Variants in PFKL observed in about 807,000 individuals in gnomAD.
The protein encoded by PFKL is ATP-dependent 6-phosphofructokinase, liver type.
Under a neutral mutation model 92.1 loss-of-function variants are expected in PFKL, and 74 were observed. That is an observed-to-expected ratio of 0.80 (90% CI 0.67 to 0.97). The LOEUF (loss-of-function observed/expected upper bound fraction) is 0.97, where lower values mean the gene tolerates loss of function less well. PFKL is among the 50% of genes least tolerant of loss of function. PFKL has a pLI of 0.00. For missense variants in PFKL, 1,028 were observed against 1,116.6 expected, an observed-to-expected ratio of 0.92 and a Z score of 1.13; for synonymous variants, 494 against 456.4, an observed-to-expected ratio of 1.08 and a Z score of -1.05.
At position 44,325,805 on chromosome 21, in the gene PFKL, C is replaced by T. The variant is rs142515786; in HGVS notation, c.1990-156C>T. On this transcript the variant is annotated intron_variant, in intron 19 of 21. Coordinates refer to ENST00000349048, the MANE Select transcript of PFKL (RefSeq NM_002626.6). The stretch of plus-strand genomic sequence containing the variant: ...AGCTGGAGAGAGCAGGCAGGGTCCT[C>T]GATCGGGAACAGACGGGAACGGTGC... 3.0e-4 allele frequency: 183 copies of T among 610,804 alleles called. 3 individuals are homozygous for T. In the East Asian group the frequency reaches 3.0e-3, roughly 10 times the overall value. 37.8% of individuals were successfully genotyped at this position (610,804 alleles called of 1,614,324 possible).
At chr21:44,312,794 C>A (rs2047085208) in intron 4 of PFKL, among the ~76,000 whole-genome samples, 184 bp from the exon 5 acceptor site, 1 of 152,202 alleles carries the variant, frequency 6.6e-6, no homozygotes, top group Non-Finnish European at 1.5e-5. Context: ...CTGCACTTGG[C>A]CCCAGCGGAT....
intron 16 of PFKL, 28 bp from the exon 17 acceptor site, chr21:44,324,463 G>A: frequency 6.2e-7 from 1 of 1,611,252 alleles, no homozygotes; most frequent in Non-Finnish European, 8.5e-7. Flanking sequence ...GGCACGTGGA[G>A]GACCCCCGAC....
chr21:44,304,814 G>A (rs1281736517), intron 1 of PFKL, among the ~76,000 whole-genome samples: 3 of 151,924 alleles, frequency 2.0e-5, no homozygotes, highest in Non-Finnish European at 2.9e-5. Flanking sequence ...CTTTCTGGGT[G>A]TGTGTGGGAT....
chr21:44,325,872 C>A, intron 19 of PFKL, 89 bp from the exon 20 acceptor site: 1 of 890,770 alleles, frequency 1.1e-6, no homozygotes, highest in Non-Finnish European at 1.8e-6. Flanking sequence ...GCCTGGGAGG[C>A]TCCCCGTGGG....
Position 44,326,248 on chromosome 21 carries a change from A to G in PFKL, c.2179A>G (p.Lys727Glu). 6.2e-7 allele frequency: 1 copy of G among 1,611,230 alleles called. No homozygotes were observed. The highest frequency in any genetic ancestry group is 8.5e-7 in the Non-Finnish European group (1 of 1,178,480). The change falls in exon 21 of 22, where the codon AAA (lysine) becomes GAA (glutamate). Residue 727 changes from lysine (K) to glutamate (E), a missense_variant. Lys to Glu is a moderately conservative substitution (Grantham distance 56). Transcript: ENST00000349048. ...VAFSPVTELK[K>E]DTDFEHRMPR... ...CTTCAGCCCCGTCACTGAGCTCAAG[A>G]AAGACACTGATTTCGAGTGAGTTCC...
At position 44,326,244 on chromosome 21, in the gene PFKL, CAAGA is replaced by C; in HGVS notation, c.2180_2183del (p.Lys727ThrfsTer15). ...TGGCCTTCAGCCCCGTCACTGAGCT[CAAGA>C]AAGACACTGATTTCGAGTGAGTTCC... On this transcript the variant is annotated frameshift_variant, in exon 21 of 22. Transcript: ENST00000349048. LOFTEE classifies it low-confidence loss of function (END_TRUNC). The C allele has an allele frequency of 6.2e-7, 1 of 1,611,568 alleles. No homozygotes were observed. Among genetic ancestry groups the C allele is most frequent in the Middle Eastern group, 1.7e-4 (1 of 6,056 alleles).
chr21:44,306,773 G>A lies in PFKL; in HGVS notation c.159+19G>A, dbSNP rs1438995023. The stretch of plus-strand genomic sequence containing the variant: ...CTACGAGGTAAGGCCAAGGTGGGCT[G>A]TGTGTGTGCAGGGAGTGGGGACCTC... On this transcript the variant is annotated intron_variant, in intron 2 of 21. Transcript: ENST00000349048. The A allele has an allele frequency of 1.2e-6, 2 of 1,609,498 alleles. No homozygotes were observed. Among genetic ancestry groups the A allele is most frequent in the African/African-American group, 2.7e-5 (2 of 74,848 alleles).
chr21:44,319,795 G>C (rs2047311954), intron 11 of PFKL: 3 of 513,274 alleles, frequency 5.8e-6, no homozygotes, highest in Non-Finnish European at 3.5e-6. Context: ...GGACGTCTGG[G>C]TTCCCATGCG....
intron 20 of PFKL, 42 bp downstream of exon 20, chr21:44,326,102 CT>C (rs2047500545): frequency 6.2e-7 from 1 of 1,607,488 alleles, no homozygotes; most frequent in Admixed American, 1.7e-5. Flanking sequence ...TTGCCCTCCC[CT>C]GGCTCCCTGG....
chr21:44,325,476 C>T, intron 19 of PFKL: 2 of 584,298 alleles, frequency 3.4e-6, no homozygotes, highest in Non-Finnish European at 6.1e-6. Flanking sequence ...GAGCCGGGGC[C>T]CGAGCCAGGG....
chr21:44,305,665 T>A, intron 1 of PFKL: 11 of 923,212 alleles, frequency 1.2e-5, no homozygotes, highest in Non-Finnish European at 1.6e-5. Flanking sequence ...CTCTGAAGAT[T>A]AGGTGGTCTT....
At chr21:44,319,771 G>T in intron 11 of PFKL, 1 of 523,032 alleles carries the variant, frequency 1.9e-6, no homozygotes, top group Non-Finnish European at 3.4e-6. Flanking sequence ...CTGGCGGCCG[G>T]GTCAGGCTGG....
chr21:44,312,846 G>A, intron 4 of PFKL, 132 bp from the exon 5 acceptor site: 2 of 874,612 alleles, frequency 2.3e-6, no homozygotes, highest in Non-Finnish European at 3.5e-6. Context: ...AGGAGGCTGA[G>A]CCTGGAACTC....
At chr21:44,312,055 C>T in intron 3 of PFKL, 50 bp from the exon 4 acceptor site, 3 of 1,355,890 alleles carry the variant, frequency 2.2e-6, no homozygotes, top group Admixed American at 3.8e-5. Flanking sequence ...TCCCCAGGGG[C>T]TGTCTGCCGC....
Position 44,316,517 on chromosome 21 carries a change from G to A in PFKL, c.929G>A (p.Arg310Gln), listed in dbSNP as rs2047211368. ...QRGGTPSAFDRILSSKMGMEA... is the reference protein window; with the variant it reads ...QRGGTPSAFDQILSSKMGMEA... Reference sequence around the variant, plus strand: ...GGAGGGACGCCCTCTGCCTTCGACCGGATCCTGGTAAGTGGCCATCACCCT... The same window carrying A: ...GGAGGGACGCCCTCTGCCTTCGACCAGATCCTGGTAAGTGGCCATCACCCT... The change falls in exon 9 of 22, where the codon CGG (arginine) becomes CAG (glutamine). Residue 310 changes from arginine to glutamine, a missense_variant. Transcript: ENST00000349048. The A allele has an allele frequency of 6.9e-6, 11 of 1,594,210 alleles. No homozygotes were observed. The highest frequency in any genetic ancestry group is 3.4e-5 in the South Asian group (3 of 88,894).
In PFKL at chr21:44,313,163, G is replaced by A. The variant is rs1455915791; in HGVS notation, c.593+20G>A. 1 of 1,611,272 alleles carries A rather than the reference G, an allele frequency of 6.2e-7. No homozygotes were observed. Among genetic ancestry groups the A allele is most frequent in the African/African-American group, 1.3e-5 (1 of 75,020 alleles). On this transcript the variant is annotated intron_variant, in intron 5 of 21. Coordinates refer to ENST00000349048, the MANE Select transcript of PFKL (RefSeq NM_002626.6). ...CCAGAGGTGAGTGAGGCTGGCGCCG[G>A]CGGCCAGCCCAGGGCCCCTCCTCCC...
At chr21:44,324,680 C>T (rs778303822) in intron 17 of PFKL, 25 bp downstream of exon 17, 127 of 1,566,284 alleles carry the variant, frequency 8.1e-5, no homozygotes, top group African/African-American at 2.6e-4. Flanking sequence ...GCCCCTGCTG[C>T]GGCAGACCTG....
chr21:44,305,329 T>C (rs1370134257), intron 1 of PFKL: 4 of 1,365,718 alleles, frequency 2.9e-6, no homozygotes, highest in Non-Finnish European at 2.9e-6. Context: ...ATGAGAAGCA[T>C]GTGTAACCAG....
chr21:44,325,697 C>G, intron 19 of PFKL: 1 of 529,148 alleles, frequency 1.9e-6, no homozygotes, highest in South Asian at 2.5e-5. Context: ...CGCTGGCTGC[C>G]GATGCAGGGC....
Sources: gnomAD v4.1 joint callset for allele counts (sites outside exome capture counted in the v4.1 genomes callset) on GRCh38, gnomAD v4.1.1 for gene constraint, MANE v1.5 for transcripts, NCBI Gene and HGNC (gene_info 2026-07-23, HGNC 2026-07-21) for gene names.